The following PAG1 variants were observed in gnomAD, a reference collection of about 807,000 sequenced individuals.
PAG1 encodes phosphoprotein membrane anchor with glycosphingolipid microdomains 1.
Under a neutral mutation model 31.7 loss-of-function variants are expected in PAG1, and 23 were observed. The ratio of observed to expected loss-of-function variants is 0.73; its 90% CI spans 0.52 to 1.03. The LOEUF (loss-of-function observed/expected upper bound fraction) is 1.03. Among genes scored for constraint, PAG1 ranks in the 50% least tolerant of loss-of-function variants. The pLI, the probability that PAG1 is intolerant of heterozygous loss-of-function variation, is 0.00. For synonymous variants in PAG1, 214 were observed against 210.3 expected (o/e 1.02, Z -0.15); for missense variants, 473 against 540.7 (o/e 0.87, Z 1.24).
intron 1 of PAG1, among the ~76,000 whole-genome samples, chr8:81,083,296 G>A (rs557842011): frequency 2.0e-4 from 31 of 152,308 alleles, no homozygotes; most frequent in African/African-American, 7.2e-4. Flanking sequence ...CCCAGTTGGA[G>A]AGGAAAAGGG....
At chr8:81,046,069 C>CT (rs1808637145) in intron 2 of PAG1, among the ~76,000 whole-genome samples, 1 of 152,064 alleles carries the variant, frequency 6.6e-6, no homozygotes. Flanking sequence ...AATATTAGAG[C>CT]CGGGAAGGAA....
intron 3 of PAG1, among the ~76,000 whole-genome samples, chr8:80,993,597 TTC>T (rs1198769598): frequency 1.6e-5 from 2 of 122,144 alleles, no homozygotes; most frequent in African/African-American, 4.2e-5. Flanking sequence ...ATTCTTCTTG[TTC>T]TTTTTTTTTT....
intron 2 of PAG1, among the ~76,000 whole-genome samples, chr8:81,066,752 A>C (rs1809015239): frequency 2.0e-5 from 3 of 152,198 alleles, no homozygotes; most frequent in Admixed American, 2.0e-4. Flanking sequence ...GAAAGAAAAA[A>C]GGGATAGGTG....
chr8:81,089,662 T>C (rs1361517523), intron 1 of PAG1, among the ~76,000 whole-genome samples: 1 of 152,158 alleles, frequency 6.6e-6, no homozygotes, highest in Non-Finnish European at 1.5e-5. Flanking sequence ...CTTTATTGGA[T>C]TGTACAGTAA....
intron 2 of PAG1, among the ~76,000 whole-genome samples, chr8:81,068,280 T>C (rs1438443374): frequency 2.6e-5 from 4 of 152,208 alleles, no homozygotes; most frequent in Non-Finnish European, 4.4e-5. Flanking sequence ...ATTGGAAGCC[T>C]GAAAATGGGT....
At chr8:81,098,395 A>G (rs1809560677) in intron 1 of PAG1, among the ~76,000 whole-genome samples, 2 of 152,146 alleles carry the variant, frequency 1.3e-5, no homozygotes, top group African/African-American at 4.8e-5. Context: ...TCATGTCTTT[A>G]TCTTTCTTGA....
chr8:81,087,695 A>G (rs1809382547), intron 1 of PAG1, among the ~76,000 whole-genome samples: 1 of 152,210 alleles, frequency 6.6e-6, no homozygotes, highest in South Asian at 2.1e-4. Flanking sequence ...ACTTGCACAA[A>G]GTTACAGAAC....
intron 2 of PAG1, among the ~76,000 whole-genome samples, chr8:81,046,520 G>A (rs1808644242): frequency 1.3e-5 from 2 of 152,120 alleles, no homozygotes; most frequent in African/African-American, 4.8e-5. Context: ...ATGGGTACAG[G>A]ACAGACCTAT....
intron 7 of PAG1, among the ~76,000 whole-genome samples, chr8:80,981,862 C>CTTTTTTTTTTT (rs57438015): frequency 5.8e-5 from 6 of 103,426 alleles, no homozygotes; most frequent in African/African-American, 2.5e-4. Flanking sequence ...ATCTCACTTC[C>CTTTTTTTTTTT]TTTTTTTTTT....
chr8:81,083,760 T>C (rs1250121736), intron 1 of PAG1, among the ~76,000 whole-genome samples: 1 of 152,090 alleles, frequency 6.6e-6, no homozygotes, highest in Non-Finnish European at 1.5e-5. Flanking sequence ...CTCAGTCAGG[T>C]GTGGTGGCTT....
At chr8:81,085,953 T>A (rs74484608) in intron 1 of PAG1, among the ~76,000 whole-genome samples, 2,945 of 149,974 alleles carry the variant, frequency 0.02, 112 homozygotes, top group African/African-American at 0.069. Context: ...AGCAAGTAGT[T>A]ACGCTTTTAA....
intron 2 of PAG1, among the ~76,000 whole-genome samples, chr8:81,055,564 C>T (rs368711695): frequency 0.016 from 2,434 of 152,018 alleles, 27 homozygotes; most frequent in African/African-American, 0.055. Flanking sequence ...GCCATTCTCA[C>T]GATATTGATT....
chr8:80,980,597 G>T (rs1272577862), intron 7 of PAG1, 103 bp from the exon 8 acceptor site: 12 of 725,792 alleles, frequency 1.7e-5, no homozygotes, highest in Middle Eastern at 2.4e-4. Flanking sequence ...GTTTTCAAAT[G>T]ATTTTTATGG....
chr8:80,984,974 T>C lies in PAG1; in HGVS notation c.678A>G (p.Glu226=), dbSNP rs770489431. The C allele has an allele frequency of 3.5e-5, 57 of 1,614,056 alleles. No homozygotes were observed. In the Admixed American group the frequency reaches 7.7e-4, roughly 22 times the overall value. ...TTTTGTTTCTGTCCACCGAGGCATATTCAGCAAACTCAGCTTTGCCTTCAG... is the reference window on the plus strand; with the variant it reads ...TTTTGTTTCTGTCCACCGAGGCATACTCAGCAAACTCAGCTTTGCCTTCAG... ...PQTEGKAEFA[E]YASVDRNKKC... is the part of the protein sequence containing the mutation. Residue 226 remains glutamate (E), a synonymous_variant, in exon 7 of 9, where the codon GAA becomes GAG. Transcript: ENST00000220597.
At chr8:81,085,661 T>C (rs888443469) in intron 1 of PAG1, among the ~76,000 whole-genome samples, 28 of 152,202 alleles carry the variant, frequency 1.8e-4, no homozygotes, top group Admixed American at 6.5e-5. Context: ...TTATTTTCCC[T>C]TTATGTGAAA....
chr8:80,988,315 C>T (rs1249041724), intron 5 of PAG1, among the ~76,000 whole-genome samples: 1 of 152,144 alleles, frequency 6.6e-6, no homozygotes, highest in Non-Finnish European at 1.5e-5. Flanking sequence ...CACCCTTTGT[C>T]ATGTGAAGGG....
intron 1 of PAG1, among the ~76,000 whole-genome samples, chr8:81,085,624 G>A (rs554967811): frequency 5.9e-4 from 90 of 152,206 alleles, no homozygotes; most frequent in Non-Finnish European, 1.0e-3. Context: ...GAGAGGAATA[G>A]AGGAATATAT....
At chr8:81,058,580 G>C (rs1208715825) in intron 2 of PAG1, 1 of 152,148 alleles carries the variant, frequency 6.6e-6, no homozygotes, top group African/African-American at 2.4e-5. Context: ...CTGGGCACCA[G>C]AGCAAGATCT....
At position 80,989,509 on chromosome 8, in the gene PAG1, G is replaced by A. The variant is rs148967827; in HGVS notation, c.177+1970C>T. Among the ~76,000 whole-genome samples the A allele has an allele frequency of 1.5e-3, 232 of 152,300 alleles. 2 individuals are homozygous for A. The highest frequency in any genetic ancestry group is 4.6e-3 in the African/African-American group (190 of 41,566). On this transcript the variant is annotated intron_variant, in intron 5 of 8. Transcript: ENST00000220597. ...CGTGTGTACATGGGTGCCAGTGTCC[G>A]GGTAAGCATGCGTTCCTGTGTGTGC...
Sources: gnomAD v4.1 joint callset for allele counts (sites outside exome capture counted in the v4.1 genomes callset) on GRCh38, gnomAD v4.1.1 for gene constraint, MANE v1.5 for transcripts, NCBI Gene and HGNC (gene_info 2026-07-23, HGNC 2026-07-21) for gene names.